Variants in VEGFB observed in about 807,000 individuals in gnomAD.
The protein encoded by VEGFB is vascular endothelial growth factor B, also known as VEGF-related factor.
Under a neutral mutation model 22.5 loss-of-function variants are expected in VEGFB, and 24 were observed. That is an observed-to-expected ratio of 1.07 (90% CI 0.77 to 1.50). VEGFB has a LOEUF of 1.50. VEGFB is among the 40% of genes most tolerant of loss of function. The pLI is 0.00. For missense variants in VEGFB, 327 were observed against 287.8 expected (o/e 1.14, Z -0.99); for synonymous variants, 141 against 117.4 (o/e 1.20, Z -1.30).
Position 64,237,589 on chromosome 11 carries a change from G to A in VEGFB, c.580G>A (p.Ala194Thr), listed in dbSNP as rs1416908389. The change falls in exon 6 of 7, where the codon GCT becomes ACT. Residue 194 changes from alanine (A) to threonine (T), a missense_variant. Transcript: ENST00000309422. ...CCTGACCCCCGGACCTGCCGCTGCC[G>A]CTGCCGACGCCGCAGCTTCCTCCGT... ...SALTPGPAAA[A>T]ADAAASSVAK... 2.5e-5 allele frequency: 40 copies of A among 1,593,992 alleles called. No individual in the cohort carries two copies. The highest frequency in any genetic ancestry group is 8.0e-5 in the African/African-American group (6 of 74,676).
intron 1 of VEGFB, among the ~76,000 whole-genome samples, chr11:64,235,184 C>A (rs1947234092): frequency 6.6e-6 from 1 of 152,188 alleles, no homozygotes; most frequent in African/African-American, 2.4e-5. Flanking sequence ...GTGCGCGCTC[C>A]TGATCTGCAT....
intron 4 of VEGFB, among the ~76,000 whole-genome samples, 164 bp downstream of exon 4, chr11:64,236,491 G>A (rs1321302348): frequency 4.7e-5 from 7 of 150,490 alleles, no homozygotes; most frequent in Non-Finnish European, 1.0e-4. Flanking sequence ...CGAGGCGGGC[G>A]GATCATGAGG....
Position 64,235,800 on chromosome 11 carries a change from G to T in VEGFB, c.104-13G>T. The T allele has an allele frequency of 6.2e-7, 1 of 1,613,586 alleles. No homozygotes were observed. The highest frequency in any genetic ancestry group is 8.5e-7 in the Non-Finnish European group (1 of 1,179,958). ...AACCAGTGAGGACTTAACCCCTACCGGTCTGCTCCCAGTGGTGTCATGGAT... is the reference window on the plus strand; with the variant it reads ...AACCAGTGAGGACTTAACCCCTACCTGTCTGCTCCCAGTGGTGTCATGGAT... On this transcript the variant is annotated splice_polypyrimidine_tract_variant and intron_variant, in intron 2 of 6. Coordinates refer to ENST00000309422, the MANE Select transcript of VEGFB (RefSeq NM_003377.5).
At chr11:64,235,709 G>T in intron 2 of VEGFB, 104 bp from the exon 3 acceptor site, 2 of 1,405,520 alleles carry the variant, frequency 1.4e-6, no homozygotes, top group South Asian at 1.2e-5. Flanking sequence ...AGAGTGGGGA[G>T]GGCTAGTGGA....
rs572881096 is a variant in VEGFB, at chr11:64,236,689, C to G, written c.374+362C>G. 2.8e-4 allele frequency among the ~76,000 whole-genome samples: 39 copies of G among 138,404 alleles called. No individual in the cohort carries two copies. The East Asian group carries it at 7.0e-3, about 25-fold the overall frequency. The allele number at this position is 138,404 out of a possible 152,430, so 90.8% of individuals were successfully genotyped here. A position where few individuals can be genotyped will look rare whatever the true frequency, so the allele number is the denominator to read the frequency against. Reference sequence around the variant, plus strand: ...CCAAGATCGTGCCACTGCATTCCAGCCTGGGCGACAGAGCAAGACTCTGCC... The same window carrying G: ...CCAAGATCGTGCCACTGCATTCCAGGCTGGGCGACAGAGCAAGACTCTGCC... On this transcript the variant is annotated intron_variant, in intron 4 of 6. Transcript: ENST00000309422.
rs1357339047 is a variant in VEGFB at position 64,237,083 on chromosome 11, CAAAGAGAGAGAG to C, written c.375-102_375-91del. 7.8e-4 allele frequency: 509 copies of C among 650,214 alleles called. 9 individuals carry two copies. The highest frequency in any genetic ancestry group is 3.5e-3 in the African/African-American group (121 of 34,474). 40.3% of individuals were successfully genotyped at this position (650,214 alleles called of 1,614,324 possible). ...GGGCAAGAAGAGGGAAACACAGTCT[CAAAGAGAGAGAG>C]AGAGAGAGAGAGAGAGAGAGAGAGA... On this transcript the variant is annotated intron_variant, in intron 4 of 6. Coordinates refer to ENST00000309422, the MANE Select transcript of VEGFB (RefSeq NM_003377.5).
At chr11:64,237,365 A>G in intron 5 of VEGFB, 55 bp from the exon 6 acceptor site, 3 of 1,527,838 alleles carry the variant, frequency 2.0e-6, no homozygotes, top group South Asian at 2.3e-5. Context: ...CCCCGACCCC[A>G]GCTCTAGGGA....
In VEGFB at chr11:64,237,200, GAC is replaced by G; in HGVS notation, c.390_391del (p.Asp130GlufsTer34). On this transcript the variant is annotated frameshift_variant, in exon 5 of 7. Transcript: ENST00000309422. LOFTEE classifies it high-confidence loss of function. The part of the protein sequence containing the change: ...SQCECRPKKK[D>X]SAVKPDRAAT... ...CTTACTTTTCAGACCTAAAAAAAAG[GAC>G]AGTGCTGTGAAGCCAGACAGGTGAG... 6.2e-7 allele frequency: 1 copy of G among 1,606,680 alleles called. No homozygotes were observed. Among genetic ancestry groups the G allele is most frequent in the Non-Finnish European group, 8.5e-7 (1 of 1,175,650 alleles).
rs368667831 is a variant in VEGFB, at chr11:64,235,965, G to A, written c.256G>A (p.Gly86Ser). The A allele has an allele frequency of 1.2e-6, 2 of 1,609,442 alleles. No homozygotes were observed. The highest frequency in any genetic ancestry group is 1.1e-5 in the South Asian group (1 of 90,608). The change falls in exon 3 of 7, where the codon GGC (glycine) becomes AGC (serine). Residue 86 changes from glycine to serine, a missense_variant. Physicochemically the swap from Gly to Ser is moderately conservative, Grantham distance 56 (BLOSUM62 0). Coordinates refer to ENST00000309422, the MANE Select transcript of VEGFB (RefSeq NM_003377.5). ...CTGTGGTGGCTGCTGCCCTGACGATGGCCTGGAGTGTGTGCCCACTGGGCA... is the reference window on the plus strand; with the variant it reads ...CTGTGGTGGCTGCTGCCCTGACGATAGCCTGGAGTGTGTGCCCACTGGGCA... ...QRCGGCCPDD[G>S]LECVPTGQHQ...
At chr11:64,235,371 C>A (rs1287622116) in intron 1 of VEGFB, 87 bp from the exon 2 acceptor site, 1 of 1,277,276 alleles carries the variant, frequency 7.8e-7, no homozygotes, top group African/African-American at 1.5e-5. Context: ...GTGAAGCCTA[C>A]TGATGCAAGG....
At chr11:64,235,071 G>A (rs904225354) in intron 1 of VEGFB, among the ~76,000 whole-genome samples, 178 bp downstream of exon 1, 6 of 152,084 alleles carry the variant, frequency 3.9e-5, no homozygotes, top group African/African-American at 7.2e-5. Flanking sequence ...CCGCTGGCCC[G>A]CCAGCCCCAG....
chr11:64,237,612 C>T lies in VEGFB; in HGVS notation c.603C>T (p.Ser201=), dbSNP rs754086315. 3.5e-4 allele frequency: 553 copies of T among 1,579,162 alleles called. 1 individual carries two copies. The highest frequency in any genetic ancestry group is 1.1e-3 in the East Asian group (46 of 43,694). The change falls in exon 6 of 7, where the codon TCC becomes TCT. Residue 201 remains serine (S), a synonymous_variant. Coordinates refer to ENST00000309422, the MANE Select transcript of VEGFB (RefSeq NM_003377.5). ...CCGCTGCCGACGCCGCAGCTTCCTC[C>T]GTTGCCAAGGGCGGGGCTTAGAGCT... ...AAAAADAAAS[S]VAKGGA
chr11:64,237,600 C>T lies in VEGFB; in HGVS notation c.591C>T (p.Ala197=), dbSNP rs554782772. ...TPGPAAAAAD[A]AASSVAKGGA ...GACCTGCCGCTGCCGCTGCCGACGC[C>T]GCAGCTTCCTCCGTTGCCAAGGGCG... is the stretch of plus-strand genomic sequence containing the variant. The change falls in exon 6 of 7, where the codon GCC becomes GCT. Residue 197 remains alanine (A), a synonymous_variant. Transcript: ENST00000309422. 66 of 1,588,460 alleles carry T rather than the reference C, an allele frequency of 4.2e-5. No individual in the cohort carries two copies. Among genetic ancestry groups the T allele is most frequent in the African/African-American group, 1.2e-4 (9 of 74,730 alleles).
At chr11:64,237,987 G>A in intron 6 of VEGFB, 1 of 477,946 alleles carries the variant, frequency 2.1e-6, no homozygotes, top group Non-Finnish European at 3.7e-6. Context: ...AGCTTTTCCA[G>A]CTTGCAGTTC....
chr11:64,237,198 A>AGGACAGTGCTGTGAAGCCAGACAGGT lies in VEGFB; in HGVS notation c.388_410+3dup. On this transcript the variant is annotated frameshift_variant, in exon 5 of 7. Coordinates refer to ENST00000309422, the MANE Select transcript of VEGFB (RefSeq NM_003377.5). LOFTEE classifies it high-confidence loss of function. ...ATCTTACTTTTCAGACCTAAAAAAA[A>AGGACAGTGCTGTGAAGCCAGACAGGT]GGACAGTGCTGTGAAGCCAGACAGG... The AGGACAGTGCTGTGAAGCCAGACAGGT allele has an allele frequency of 6.2e-7, 1 of 1,605,992 alleles. No homozygotes were observed. The highest frequency in any genetic ancestry group is 1.1e-5 in the South Asian group (1 of 89,776).
At position 64,235,798 on chromosome 11, in the gene VEGFB, C is replaced by T; in HGVS notation, c.104-15C>T. On this transcript the variant is annotated splice_polypyrimidine_tract_variant and intron_variant, in intron 2 of 6. Coordinates refer to ENST00000309422, the MANE Select transcript of VEGFB (RefSeq NM_003377.5). ...AAAACCAGTGAGGACTTAACCCCTA[C>T]CGGTCTGCTCCCAGTGGTGTCATGG... is the stretch of plus-strand genomic sequence containing the variant. 6.2e-7 allele frequency: 1 copy of T among 1,613,508 alleles called. No homozygotes were observed. The highest frequency in any genetic ancestry group is 2.2e-5 in the East Asian group (1 of 44,878).
At chr11:64,237,250 G>GC (rs1565318373) in intron 5 of VEGFB, 28 bp downstream of exon 5, 1 of 1,600,516 alleles carries the variant, frequency 6.2e-7, no homozygotes, top group South Asian at 1.1e-5. Flanking sequence ...CAGCTGAGTA[G>GC]GGGTATGGGG....
Position 64,234,950 on chromosome 11 carries a change from CG to C in VEGFB, c.60+59del. On this transcript the variant is annotated intron_variant, in intron 1 of 6. Coordinates refer to ENST00000309422, the MANE Select transcript of VEGFB (RefSeq NM_003377.5). This position sits in a 1 kb window ranked among gnomAD's most constrained non-coding sequence, Gnocchi z 5.3. Reference sequence around the variant, plus strand: ...CCGCCGTGCCCTCTCTCAAGGTTGGCGGAAGTGAGGAGGCGACCCGCGGCCT... The same window carrying C: ...CCGCCGTGCCCTCTCTCAAGGTTGGCGAAGTGAGGAGGCGACCCGCGGCCT... 8.0e-7 allele frequency: 1 copy of C among 1,251,306 alleles called. No individual in the cohort carries two copies. Among genetic ancestry groups the C allele is most frequent in the Non-Finnish European group, 1.0e-6 (1 of 991,368 alleles). The allele number at this position is 1,251,306 out of a possible 1,614,324, so 77.5% of individuals were successfully genotyped here. A position where few individuals can be genotyped will look rare whatever the true frequency, so the allele number is the denominator to read the frequency against.
Position 64,234,866 on chromosome 11 carries a change from C to A in VEGFB, c.33C>A (p.Ala11=). 1 of 1,299,700 alleles carries A rather than the reference C, an allele frequency of 7.7e-7. No homozygotes were observed. Among genetic ancestry groups the A allele is most frequent in the Non-Finnish European group, 9.8e-7 (1 of 1,020,600 alleles). The allele number at this position is 1,299,700 out of a possible 1,614,324, so 80.5% of individuals were successfully genotyped here. A position where few individuals can be genotyped will look rare whatever the true frequency, so the allele number is the denominator to read the frequency against. The change falls in exon 1 of 7, where the codon GCC becomes GCA. Residue 11 remains alanine, a synonymous_variant. Transcript: ENST00000309422. The surrounding 1 kb of genome is among the most constrained non-coding windows in gnomAD (Gnocchi z 5.3). MSPLLRRLLL[A]ALLQLAPAQA... is the part of the protein sequence containing the mutation. ...CTCTGCTCCGCCGCCTGCTGCTCGCCGCACTCCTGCAGCTGGCCCCCGCCC... is the reference window on the plus strand; with the variant it reads ...CTCTGCTCCGCCGCCTGCTGCTCGCAGCACTCCTGCAGCTGGCCCCCGCCC...
Sources: gnomAD v4.1 joint callset for allele counts (sites outside exome capture counted in the v4.1 genomes callset) on GRCh38, gnomAD v4.1.1 for gene constraint, Gnocchi (gnomAD v3.1) non-coding constraint, MANE v1.5 for transcripts, NCBI Gene and HGNC (gene_info 2026-07-23, HGNC 2026-07-21) for gene names.